AOX1: variants seen among roughly 807,000 people sequenced by gnomAD.
AOX1 encodes aldehyde oxidase.
A neutral mutation model predicts 169.5 loss-of-function variants in AOX1; 153 were observed. The ratio of observed to expected loss-of-function variants is 0.90; its 90% CI spans 0.79 to 1.03. The LOEUF (loss-of-function observed/expected upper bound fraction) is 1.03. AOX1 is among the 50% of genes least tolerant of loss of function. The probability of loss-of-function intolerance (pLI) is 0.00; values close to 1 mark genes in which losing one functional copy is unlikely to be tolerated. For missense variants in AOX1, 1,656 were observed against 1,663.9 expected (o/e 1.00, Z 0.08); for synonymous variants, 562 against 581.9 (o/e 0.97, Z 0.49).
At chr2:200,660,452 T>C (rs985888769) in intron 29 of AOX1, among the ~76,000 whole-genome samples, 1 of 152,156 alleles carries the variant, frequency 6.6e-6, no homozygotes, top group African/African-American at 2.4e-5. Flanking sequence ...AACCACTCTG[T>C]AAAAGTAAAA....
Position 200,662,905 on chromosome 2 carries a change from A to G in AOX1, c.3479A>G (p.Glu1160Gly). 1.9e-6 allele frequency: 3 copies of G among 1,614,102 alleles called. No homozygotes were observed. The highest frequency in any genetic ancestry group is 2.5e-6 in the Non-Finnish European group (3 of 1,179,962). Residue 1160 changes from glutamate to glycine, a missense_variant, in exon 31 of 35, where the codon GAA (glutamate) becomes GGA (glycine). By Grantham distance (98) the Glu-to-Gly change is moderately conservative. Transcript: ENST00000374700. The part of the protein sequence containing the change: ...NWEKGEGQPF[E>G]YFVYGAACSE... The stretch of plus-strand genomic sequence containing the variant: ...GAGAAAGGCGAAGGCCAGCCCTTCG[A>G]ATACTTTGTTTATGGAGCTGCCTGT...
intron 16 of AOX1, among the ~76,000 whole-genome samples, chr2:200,619,820 A>G (rs1033632267): frequency 6.6e-6 from 1 of 152,094 alleles, no homozygotes; most frequent in Non-Finnish European, 1.5e-5. Context: ...ATTATTTCTT[A>G]TATTTCCTCA....
At chr2:200,659,835 CT>C (rs2035785736) in intron 28 of AOX1, among the ~76,000 whole-genome samples, 159 bp from the exon 29 acceptor site, 1 of 151,810 alleles carries the variant, frequency 6.6e-6, no homozygotes, top group Non-Finnish European at 1.5e-5. Context: ...CGTGCACACA[CT>C]CATATGAAAC....
Position 200,604,017 on chromosome 2 carries a change from A to G in AOX1, c.589A>G (p.Thr197Ala). ...GLPEFEEGSKTSPKLFAEEEF... is the reference protein window; with the variant it reads ...GLPEFEEGSKASPKLFAEEEF... Reference sequence around the variant, plus strand: ...AATTTCTGATATGTTCTCTTTTTAGACAAGTCCAAAACTCTTCGCAGAAGA... The same window carrying G: ...AATTTCTGATATGTTCTCTTTTTAGGCAAGTCCAAAACTCTTCGCAGAAGA... The change falls in exon 8 of 35, where the codon ACA (threonine) becomes GCA (alanine). Residue 197 changes from threonine to alanine, a missense_variant and splice_region_variant. By Grantham distance (58) the Thr-to-Ala change is moderately conservative. Coordinates refer to ENST00000374700, the MANE Select transcript of AOX1 (RefSeq NM_001159.4). 1.2e-6 allele frequency: 2 copies of G among 1,606,862 alleles called. No individual in the cohort carries two copies. The highest frequency in any genetic ancestry group is 1.7e-6 in the Non-Finnish European group (2 of 1,173,504).
chr2:200,642,840 T>A, intron 25 of AOX1, 39 bp downstream of exon 25: 1 of 1,585,752 alleles, frequency 6.3e-7, no homozygotes, highest in South Asian at 1.1e-5. Context: ...ACATGTGGAA[T>A]GTCAGAGACG....
At chr2:200,614,702 G>A (rs2034715157) in intron 15 of AOX1, among the ~76,000 whole-genome samples, 1 of 152,186 alleles carries the variant, frequency 6.6e-6, no homozygotes, top group Non-Finnish European at 1.5e-5. Flanking sequence ...TCTTCCTGTG[G>A]TATAGAAGTT....
chr2:200,588,726 CT>C lies in AOX1; in HGVS notation c.45+2594del, dbSNP rs71807461. Among the ~76,000 whole-genome samples, 395 of 53,956 alleles carry C rather than the reference CT, an allele frequency of 7.3e-3. 7 individuals are homozygous for C. Among genetic ancestry groups the C allele is most frequent in the Middle Eastern group, 0.011 (1 of 94 alleles). 35.4% of individuals were successfully genotyped at this position (53,956 alleles called of 152,430 possible). ...CTTACATGGAAAGAACTAGAATAAG[CT>C]TTTTTTTTTTTTTTTTTTTTGAGAT... On this transcript the variant is annotated intron_variant, in intron 1 of 34. Coordinates refer to ENST00000374700, the MANE Select transcript of AOX1 (RefSeq NM_001159.4).
chr2:200,666,516 T>G (rs1375656256), intron 31 of AOX1, among the ~76,000 whole-genome samples, 171 bp from the exon 32 acceptor site: 1 of 152,214 alleles, frequency 6.6e-6, no homozygotes, highest in Admixed American at 6.5e-5. Context: ...ATTTTGAAAG[T>G]TTTACATAAT....
intron 3 of AOX1, among the ~76,000 whole-genome samples, chr2:200,595,975 T>G (rs2034276329): frequency 6.6e-6 from 1 of 152,230 alleles, no homozygotes; most frequent in Admixed American, 6.5e-5. Context: ...GTATTTATCC[T>G]TCCTCACATT....
intron 4 of AOX1, among the ~76,000 whole-genome samples, chr2:200,676,647 T>C (rs1365967147): frequency 6.6e-6 from 1 of 151,436 alleles, no homozygotes; most frequent in Non-Finnish European, 1.5e-5. Flanking sequence ...AGATAGCTTA[T>C]TCCAGTGGGT....
intron 20 of AOX1, 134 bp from the exon 21 acceptor site, chr2:200,634,657 T>C: frequency 2.8e-6 from 3 of 1,087,982 alleles, no homozygotes; most frequent in Non-Finnish European, 3.9e-6. Flanking sequence ...AGCTAAACAT[T>C]GTTGTTTGTT....
chr2:200,633,323 C>G (rs2035164944), intron 20 of AOX1, among the ~76,000 whole-genome samples: 1 of 151,936 alleles, frequency 6.6e-6, no homozygotes, highest in African/African-American at 2.4e-5. Context: ...GGCTTGACTT[C>G]AATGGCACAA....
intron 1 of AOX1, 141 bp downstream of exon 1, chr2:200,586,294 C>A: frequency 2.1e-6 from 2 of 932,216 alleles, no homozygotes; most frequent in Non-Finnish European, 3.1e-6. Context: ...GTAACAGCGG[C>A]TTTGCCTTCG....
intron 26 of AOX1, among the ~76,000 whole-genome samples, chr2:200,654,841 C>A (rs1443623051): frequency 2.0e-5 from 3 of 152,208 alleles, no homozygotes; most frequent in Admixed American, 6.5e-5. Flanking sequence ...TCTTTTGTGG[C>A]ACTAACAATG....
intron 12 of AOX1, 121 bp downstream of exon 12, chr2:200,609,535 G>C (rs1264732362): frequency 2.5e-6 from 2 of 786,414 alleles, no homozygotes; most frequent in South Asian, 1.7e-5. Context: ...ACATTTCTCT[G>C]CTTTTCTGGA....
chr2:200,669,978 A>G (rs559083301), intron 34 of AOX1, among the ~76,000 whole-genome samples: 66 of 152,142 alleles, frequency 4.3e-4, no homozygotes, highest in South Asian at 1.5e-3. Flanking sequence ...ATTTGACAAA[A>G]GAAAGTTCAT....
intron 27 of AOX1, among the ~76,000 whole-genome samples, 158 bp downstream of exon 27, chr2:200,657,095 G>A (rs1259682199): frequency 1.3e-5 from 2 of 148,494 alleles, no homozygotes; most frequent in African/African-American, 2.5e-5. Flanking sequence ...AGGCTGGGGT[G>A]AGAGGATTTC....
chr2:200,612,607 A>C lies in AOX1; in HGVS notation c.1264-2A>C, dbSNP rs1354244394. 2.5e-6 allele frequency: 4 copies of C among 1,612,932 alleles called. No individual in the cohort carries two copies. In the South Asian group the frequency reaches 4.4e-5, roughly 18 times the overall value. On this transcript the variant is annotated splice_acceptor_variant, in intron 13 of 34. Transcript: ENST00000374700. LOFTEE classifies it high-confidence loss of function. ...CATGTGCCACTTAACTGTTTCTTTC[A>C]GTGGGAATTTGTGTCAGCCTTCCGA...
chr2:200,619,755 C>A (rs1252282968), intron 16 of AOX1, among the ~76,000 whole-genome samples: 1 of 152,184 alleles, frequency 6.6e-6, no homozygotes, highest in African/African-American at 2.4e-5. Flanking sequence ...ACTCCAATTG[C>A]AGGTCCCTTT....
Sources: allele counts gnomAD v4.1 joint callset (sites outside exome capture counted in the v4.1 genomes callset), GRCh38; gene constraint gnomAD v4.1.1; transcripts MANE v1.5; gene names NCBI Gene and HGNC (gene_info 2026-07-23, HGNC 2026-07-21).